KPNA1: variants seen among roughly 807,000 people sequenced by gnomAD.
KPNA1 encodes the protein importin subunit alpha-5.
In KPNA1, 10 loss-of-function variants were observed where a neutral mutation model predicts 70.5. The observed-to-expected ratio is 0.14, with a 90% CI of 0.09 to 0.24. The LOEUF is 0.24. Among genes scored for constraint, KPNA1 ranks in the 10% least tolerant of loss-of-function variants. KPNA1 has a pLI of 1.00. For synonymous variants in KPNA1, 192 were observed against 221.9 expected (o/e 0.87, Z 1.20); for missense variants, 397 against 637.9 (o/e 0.62, Z 4.07).
At chr3:122,495,025 G>A (rs965418242) in intron 2 of KPNA1, among the ~76,000 whole-genome samples, 7 of 152,006 alleles carry the variant, frequency 4.6e-5, no homozygotes, top group Non-Finnish European at 1.0e-4. Flanking sequence ...GCTGAGGCAG[G>A]CAGATCACGA....
At chr3:122,497,085 G>A (rs2076771964) in intron 1 of KPNA1, among the ~76,000 whole-genome samples, 1 of 152,176 alleles carries the variant, frequency 6.6e-6, no homozygotes, top group Admixed American at 6.5e-5. Flanking sequence ...TCATCATAGT[G>A]AATTTTGGGA....
At position 122,426,812 on chromosome 3, in the gene KPNA1, C is replaced by T. The variant is rs1043664293; in HGVS notation, c.*173G>A. 4.8e-5 allele frequency: 25 copies of T among 522,974 alleles called. No homozygotes were observed. The highest frequency in any genetic ancestry group is 8.4e-5 in the Non-Finnish European group (25 of 296,166). 32.4% of individuals were successfully genotyped at this position (522,974 alleles called of 1,614,324 possible). A position where few individuals can be genotyped will look rare whatever the true frequency, so the allele number is the denominator to read the frequency against. On this transcript the variant is annotated 3_prime_UTR_variant, in exon 14 of 14. Coordinates refer to ENST00000344337, the MANE Select transcript of KPNA1 (RefSeq NM_002264.4). ...TAGAAGGGTATTCCACCACAGAGAG[C>T]CGGAGGTTTTCCAGATGTGTGTAAG...
At chr3:122,458,111 T>G (rs1249673600) in intron 5 of KPNA1, among the ~76,000 whole-genome samples, 3 of 152,216 alleles carry the variant, frequency 2.0e-5, no homozygotes, top group African/African-American at 7.2e-5. Flanking sequence ...TGTCTAATAT[T>G]TGGAAATAGA....
intron 2 of KPNA1, among the ~76,000 whole-genome samples, chr3:122,478,104 G>A (rs1213128666): frequency 6.8e-6 from 1 of 146,582 alleles, no homozygotes; most frequent in Admixed American, 6.9e-5. Context: ...GGAGGTTGCA[G>A]TAAGCCAAGA....
At chr3:122,478,172 A>AAAAAG (rs533626923) in intron 2 of KPNA1, among the ~76,000 whole-genome samples, 18,308 of 147,126 alleles carry the variant, frequency 0.12, 1,347 homozygotes, top group East Asian at 0.3. Flanking sequence ...AAAAAAAAAA[A>AAAAAG]AAAAGAAAAG....
At chr3:122,505,940 A>T (rs2107508326) in intron 1 of KPNA1, among the ~76,000 whole-genome samples, 1 of 152,300 alleles carries the variant, frequency 6.6e-6, no homozygotes, top group East Asian at 1.9e-4. Context: ...GATTAATCTC[A>T]ACACCCTTTT....
At chr3:122,478,166 AAAAAAAAAAAG>A (rs1480043722) in intron 2 of KPNA1, among the ~76,000 whole-genome samples, 3 of 151,178 alleles carry the variant, frequency 2.0e-5, no homozygotes, top group African/African-American at 4.9e-5. Flanking sequence ...GTCTCAAAAA[AAAAAAAAAAAG>A]AAAAGAAAAA....
At chr3:122,432,473 C>CA (rs1367753991) in intron 12 of KPNA1, 2 of 152,158 alleles carry the variant, frequency 1.3e-5, no homozygotes, top group Non-Finnish European at 2.9e-5. Flanking sequence ...ACAGAACACT[C>CA]AAAACTAGCA....
intron 1 of KPNA1, among the ~76,000 whole-genome samples, chr3:122,499,776 A>G (rs1382455006): frequency 2.0e-5 from 3 of 151,934 alleles, no homozygotes; most frequent in East Asian, 1.9e-4. Flanking sequence ...AAAAAAAAAA[A>G]AGAGACGGGT....
intron 6 of KPNA1, among the ~76,000 whole-genome samples, chr3:122,452,773 A>T (rs188413474): frequency 1.1e-3 from 164 of 151,044 alleles, no homozygotes; most frequent in Middle Eastern, 3.4e-3. Context: ...GACGGAGAGA[A>T]GGAGAGATGG....
At chr3:122,483,830 T>G (rs2076598982) in intron 2 of KPNA1, among the ~76,000 whole-genome samples, 1 of 152,220 alleles carries the variant, frequency 6.6e-6, no homozygotes, top group Non-Finnish European at 1.5e-5. Flanking sequence ...GATACTGAAT[T>G]ATGGGAGGCT....
intron 2 of KPNA1, among the ~76,000 whole-genome samples, chr3:122,484,236 AC>A (rs760561535): frequency 1.3e-5 from 2 of 152,212 alleles, no homozygotes; most frequent in African/African-American, 2.4e-5. Flanking sequence ...TAAGCTGGAA[AC>A]TCACTGGAAT....
At chr3:122,453,789 C>G in intron 6 of KPNA1, 81 bp downstream of exon 6, 1 of 1,408,748 alleles carries the variant, frequency 7.1e-7, no homozygotes, top group South Asian at 1.5e-5. Context: ...CTTGGCCTCC[C>G]AAAATGTTGG....
intron 2 of KPNA1, among the ~76,000 whole-genome samples, chr3:122,494,786 T>C (rs947650371): frequency 6.6e-6 from 1 of 152,144 alleles, no homozygotes; most frequent in Non-Finnish European, 1.5e-5. Flanking sequence ...AGAAACAGAA[T>C]AAAATGAACA....
intron 2 of KPNA1, among the ~76,000 whole-genome samples, chr3:122,473,836 G>A (rs1255825919): frequency 6.6e-6 from 1 of 152,114 alleles, no homozygotes; most frequent in Non-Finnish European, 1.5e-5. Flanking sequence ...TTTCAACATT[G>A]TATTGCAAGT....
At chr3:122,496,984 G>A (rs979385600) in intron 1 of KPNA1, among the ~76,000 whole-genome samples, 14 of 152,190 alleles carry the variant, frequency 9.2e-5, no homozygotes, top group African/African-American at 2.9e-4. Flanking sequence ...GATTTCAGGC[G>A]TGAGCCACTT....
At chr3:122,457,527 A>G (rs961803879) in intron 5 of KPNA1, among the ~76,000 whole-genome samples, 4 of 152,222 alleles carry the variant, frequency 2.6e-5, no homozygotes, top group African/African-American at 9.6e-5. Context: ...GAAACAAGCT[A>G]TCATGCAGCT....
chr3:122,481,296 T>G (rs1576327990), intron 2 of KPNA1, among the ~76,000 whole-genome samples: 1 of 152,010 alleles, frequency 6.6e-6, no homozygotes, highest in East Asian at 1.9e-4. Context: ...ACTGAGTCAA[T>G]AAACAAAAAG....
intron 1 of KPNA1, among the ~76,000 whole-genome samples, chr3:122,513,917 A>C (rs1034152526): frequency 1.3e-5 from 2 of 151,988 alleles, no homozygotes; most frequent in Non-Finnish European, 2.9e-5. Context: ...ACAAACAAAA[A>C]CTCGGCAATC....
Sources: allele counts gnomAD v4.1 joint callset (sites outside exome capture counted in the v4.1 genomes callset), GRCh38; gene constraint gnomAD v4.1.1; transcripts MANE v1.5; gene names NCBI Gene and HGNC (gene_info 2026-07-23, HGNC 2026-07-21).